ST3GAL6: variants seen among roughly 807,000 people sequenced by gnomAD.
ST3GAL6 encodes type 2 lactosamine alpha-2,3-sialyltransferase.
A neutral mutation model predicts 40.5 loss-of-function variants in ST3GAL6; 31 were observed. The observed-to-expected ratio is 0.77, with a 90% CI of 0.58 to 1.03. The LOEUF (loss-of-function observed/expected upper bound fraction) is 1.03, where lower values mean the gene tolerates loss of function less well. Ranked by LOEUF, ST3GAL6 falls within the 50% of genes least tolerant of loss-of-function variation. The probability of loss-of-function intolerance (pLI) is 0.00; values close to 1 mark genes in which losing one functional copy is unlikely to be tolerated. For missense variants in ST3GAL6, 357 were observed against 393.2 expected (o/e 0.91, Z 0.78); for synonymous variants, 129 against 136.9 (o/e 0.94, Z 0.40).
intron 5 of ST3GAL6, chr3:98,782,698 T>G (rs2107293753): frequency 4.5e-6 from 2 of 445,258 alleles, no homozygotes; most frequent in Non-Finnish European, 8.6e-6. Context: ...TTTCAAAAAC[T>G]GCTGCCAGCA....
chr3:98,771,064 T>C, intron 3 of ST3GAL6, 108 bp downstream of exon 3: 1 of 1,490,594 alleles, frequency 6.7e-7, no homozygotes, highest in Non-Finnish European at 9.1e-7. Flanking sequence ...CAGTATAAAG[T>C]GGACACCCCA....
At chr3:98,736,567 G>A (rs940352478) in intron 1 of ST3GAL6, among the ~76,000 whole-genome samples, 4 of 152,060 alleles carry the variant, frequency 2.6e-5, no homozygotes, top group Non-Finnish European at 5.9e-5. Flanking sequence ...TGAAAGATGG[G>A]GGCAACAAGG....
At chr3:98,770,841 G>T in intron 2 of ST3GAL6, 38 bp from the exon 3 acceptor site, 1 of 1,593,720 alleles carries the variant, frequency 6.3e-7, no homozygotes, top group Non-Finnish European at 8.6e-7. Flanking sequence ...CAGGGTGCCC[G>T]ATTCTGGTTT....
chr3:98,761,604 C>A (rs1937774675), upstream of ST3GAL6, among the ~76,000 whole-genome samples: 4 of 122,372 alleles, frequency 3.3e-5, no homozygotes, highest in Admixed American at 9.1e-5. Flanking sequence ...AGCAAGACTC[C>A]ATCTCAAAAA....
At chr3:98,763,460 C>T (rs1314104749) in intron 1 of ST3GAL6, 21 bp downstream of exon 1, 27 of 1,289,380 alleles carry the variant, frequency 2.1e-5, no homozygotes, top group Non-Finnish European at 2.6e-5. Flanking sequence ...AACAAGGTTA[C>T]CTGCTTAAGG....
chr3:98,742,334 T>G (rs1043551443), intron 1 of ST3GAL6, among the ~76,000 whole-genome samples: 1 of 152,226 alleles, frequency 6.6e-6, no homozygotes, highest in Non-Finnish European at 1.5e-5. Context: ...TGTCTTTTTG[T>G]GGTGTTTCCT....
intron 2 of ST3GAL6, 90 bp downstream of exon 2, chr3:98,768,619 C>A: frequency 2.1e-6 from 2 of 950,996 alleles, no homozygotes; most frequent in Admixed American, 2.2e-5. Flanking sequence ...ATGAAAAAAA[C>A]TTGTACCATT....
At chr3:98,746,268 A>T (rs554795505) in intron 1 of ST3GAL6, among the ~76,000 whole-genome samples, 5 of 152,184 alleles carry the variant, frequency 3.3e-5, no homozygotes, top group Non-Finnish European at 4.4e-5. Flanking sequence ...AGCTTCAGAG[A>T]TCTAGAACTG....
intron 1 of ST3GAL6, chr3:98,733,653 C>T (rs1935255554): frequency 2.1e-6 from 2 of 951,664 alleles, no homozygotes; most frequent in Non-Finnish European, 2.5e-6. Context: ...AGCAACTTGT[C>T]ATTTTGAGGC....
intron 5 of ST3GAL6, chr3:98,784,354 C>G (rs1940479079): frequency 6.6e-6 from 1 of 152,418 alleles, no homozygotes; most frequent in South Asian, 2.1e-4. Flanking sequence ...CTCCAAGGAC[C>G]AGTCCATGTT....
At chr3:98,787,918 C>T in intron 6 of ST3GAL6, 118 bp from the exon 7 acceptor site, 1 of 801,872 alleles carries the variant, frequency 1.2e-6, no homozygotes, top group Non-Finnish European at 1.9e-6. Context: ...TGCTTTGTGG[C>T]TTCAGAGCAC....
chr3:98,761,201 TCAGGAGGCTGAGG>T (rs1195875667), upstream of ST3GAL6, among the ~76,000 whole-genome samples: 2 of 152,046 alleles, frequency 1.3e-5, no homozygotes, highest in African/African-American at 4.8e-5. Flanking sequence ...CCCCAGCTAC[TCAGGAGGCTGAGG>T]CAGGAGGATT....
intron 1 of ST3GAL6, among the ~76,000 whole-genome samples, chr3:98,755,057 AT>A (rs965015303): frequency 2.6e-5 from 4 of 151,706 alleles, no homozygotes; most frequent in African/African-American, 7.3e-5. Context: ...TTATTTGTTT[AT>A]TTTTTTTGAG....
intron 5 of ST3GAL6, among the ~76,000 whole-genome samples, chr3:98,781,667 A>C (rs13091236): frequency 0.057 from 8,635 of 152,202 alleles, 299 homozygotes; most frequent in Non-Finnish European, 0.071. Context: ...ACTCCAGGCC[A>C]GGATGGATGC....
At position 98,787,901 on chromosome 3, in the gene ST3GAL6, G is replaced by C. The variant is rs564114374; in HGVS notation, c.432-135G>C. On this transcript the variant is annotated intron_variant, in intron 6 of 9. Transcript: ENST00000483910. Reference sequence around the variant, plus strand: ...CCTTGGCCATTATGTGTGAAAGATTGATCTATTGCTTTGTGGCTTCAGAGC... The same window carrying C: ...CCTTGGCCATTATGTGTGAAAGATTCATCTATTGCTTTGTGGCTTCAGAGC... The C allele has an allele frequency of 6.6e-4, 425 of 646,492 alleles. 7 individuals carry two copies. The South Asian group carries it at 0.011, about 17-fold the overall frequency. The allele number at this position is 646,492 out of a possible 1,614,324, so 40.0% of individuals were successfully genotyped here. A position where few individuals can be genotyped will look rare whatever the true frequency, so the allele number is the denominator to read the frequency against.
chr3:98,740,173 T>C (rs886894761), intron 1 of ST3GAL6, among the ~76,000 whole-genome samples: 13 of 151,964 alleles, frequency 8.6e-5, no homozygotes, highest in African/African-American at 3.1e-4. Context: ...ATAAATATTT[T>C]GCACACACTG....
At chr3:98,756,743 A>G (rs1411659009) in intron 1 of ST3GAL6, among the ~76,000 whole-genome samples, 1 of 152,206 alleles carries the variant, frequency 6.6e-6, no homozygotes, top group Non-Finnish European at 1.5e-5. Context: ...ACCCTTCAGC[A>G]TATCCCACAG....
chr3:98,754,304 G>T (rs190274549), intron 1 of ST3GAL6, among the ~76,000 whole-genome samples: 152 of 152,366 alleles, frequency 1.0e-3, no homozygotes, highest in Admixed American at 5.2e-3. Context: ...AGGGCTTCCA[G>T]ATTGTAGTGG....
At chr3:98,789,413 C>T (rs1388372377) in intron 8 of ST3GAL6, among the ~76,000 whole-genome samples, 1 of 152,168 alleles carries the variant, frequency 6.6e-6, no homozygotes, top group East Asian at 1.9e-4. Flanking sequence ...TGCTTCCAGA[C>T]TATTTGCTAT....
Sources: allele counts gnomAD v4.1 joint callset (sites outside exome capture counted in the v4.1 genomes callset), GRCh38; gene constraint gnomAD v4.1.1; transcripts MANE v1.5; gene names NCBI Gene and HGNC (gene_info 2026-07-23, HGNC 2026-07-21).